Variants in CDC25C observed in about 807,000 individuals in gnomAD.
CDC25C encodes the protein M-phase inducer phosphatase 3.
Under a neutral mutation model 52.5 loss-of-function variants are expected in CDC25C, and 48 were observed. That is an observed-to-expected ratio of 0.91 (90% CI 0.72 to 1.16). The LOEUF is 1.16. Among genes scored for constraint, CDC25C ranks in the 50% most tolerant of loss-of-function variants. The probability of loss-of-function intolerance (pLI) is 0.00; values close to 1 mark genes in which losing one functional copy is unlikely to be tolerated. For synonymous variants in CDC25C, 187 were observed against 206.5 expected (o/e 0.91, Z 0.81); for missense variants, 510 against 566.1 (o/e 0.90, Z 1.01).
At chr5:138,332,126 C>G (rs1760445341), upstream of CDC25C, 1 of 155,040 alleles carries the variant, frequency 6.4e-6, no homozygotes, top group Non-Finnish European at 1.4e-5. Context: ...CTCGTTCCCT[C>G]AGCCCCACGA....
intron 6 of CDC25C, among the ~76,000 whole-genome samples, chr5:138,322,836 G>C (rs1004973460): frequency 6.6e-6 from 1 of 151,480 alleles, no homozygotes; most frequent in Non-Finnish European, 1.5e-5. Flanking sequence ...GCCCAGGCTA[G>C]TCTGGAACTC....
At chr5:138,298,347 AC>A (rs1561680942) in intron 7 of CDC25C, among the ~76,000 whole-genome samples, 1 of 151,944 alleles carries the variant, frequency 6.6e-6, no homozygotes. Context: ...AATACTATAA[AC>A]CAACCAGACC....
intron 6 of CDC25C, among the ~76,000 whole-genome samples, chr5:138,319,674 A>G (rs1020282010): frequency 6.6e-6 from 1 of 152,244 alleles, no homozygotes; most frequent in Non-Finnish European, 1.5e-5. Context: ...ATCAGAATAT[A>G]TAAGGAACTC....
intron 7 of CDC25C, among the ~76,000 whole-genome samples, chr5:138,297,191 G>A (rs986008876): frequency 6.6e-6 from 1 of 151,984 alleles, no homozygotes; most frequent in Non-Finnish European, 1.5e-5. Flanking sequence ...GATTACAGGC[G>A]TGAGCCACCG....
chr5:138,313,554 G>T (rs2077072252), intron 7 of CDC25C, among the ~76,000 whole-genome samples: 1 of 151,976 alleles, frequency 6.6e-6, no homozygotes, highest in Admixed American at 6.6e-5. Flanking sequence ...TGTATAAAAA[G>T]AATTAATATA....
intron 10 of CDC25C, among the ~76,000 whole-genome samples, chr5:138,288,752 G>A (rs561406700): frequency 2.1e-4 from 32 of 152,268 alleles, no homozygotes; most frequent in Non-Finnish European, 4.3e-4. Flanking sequence ...TATCTCTGGT[G>A]ATGAGATTGT....
intron 2 of CDC25C, among the ~76,000 whole-genome samples, chr5:138,329,920 G>A (rs1203613267): frequency 1.3e-5 from 2 of 151,932 alleles, no homozygotes; most frequent in African/African-American, 4.8e-5. Context: ...TAGTAGAGAT[G>A]GGGCTTCACC....
Position 138,291,221 on chromosome 5 carries a change from T to G in CDC25C, c.763-481A>C, listed in dbSNP as rs569209903. Reference sequence around the variant, plus strand: ...TAAGTGATCCTCCCATCTATTTAATTTTTTTAAAGTTGGGGAGGGTAAAGG... The same window carrying G: ...TAAGTGATCCTCCCATCTATTTAATGTTTTTAAAGTTGGGGAGGGTAAAGG... On this transcript the variant is annotated intron_variant, in intron 8 of 13. Transcript: ENST00000323760. 8.5e-5 allele frequency among the ~76,000 whole-genome samples: 13 copies of G among 152,092 alleles called. No homozygotes were observed. In the South Asian group the frequency reaches 2.7e-3, roughly 32 times the overall value.
intron 7 of CDC25C, among the ~76,000 whole-genome samples, chr5:138,310,981 C>T (rs1442076746): frequency 1.3e-5 from 2 of 152,196 alleles, no homozygotes; most frequent in Non-Finnish European, 2.9e-5. Context: ...GGCATAAAGA[C>T]AGACATATAG....
At chr5:138,317,063 G>T (rs1408310249) in intron 7 of CDC25C, among the ~76,000 whole-genome samples, 1 of 152,076 alleles carries the variant, frequency 6.6e-6, no homozygotes, top group Non-Finnish European at 1.5e-5. Context: ...AAACCAGCTT[G>T]GGCAACACAT....
At chr5:138,311,609 G>A (rs1211507645) in intron 7 of CDC25C, among the ~76,000 whole-genome samples, 1 of 152,070 alleles carries the variant, frequency 6.6e-6, no homozygotes, top group East Asian at 1.9e-4. Context: ...TTTTAAAAAG[G>A]GGAGGGGGTT....
chr5:138,296,906 CTTTTTT>C (rs1300029259), intron 7 of CDC25C, among the ~76,000 whole-genome samples: 2 of 80,166 alleles, frequency 2.5e-5, no homozygotes, highest in Non-Finnish European at 4.7e-5. Flanking sequence ...CGCCCGGCCA[CTTTTTT>C]TTTTTTTTTT....
chr5:138,328,224 A>G (rs1268885533), intron 4 of CDC25C, among the ~76,000 whole-genome samples: 1 of 152,208 alleles, frequency 6.6e-6, no homozygotes, highest in Non-Finnish European at 1.5e-5. Context: ...AAAAGCCTAT[A>G]CATAAGTGTA....
intron 4 of CDC25C, 51 bp downstream of exon 4, chr5:138,328,433 G>A (rs1760068911): frequency 6.6e-7 from 1 of 1,524,274 alleles, no homozygotes; most frequent in African/African-American, 1.4e-5. Flanking sequence ...AAATCTCTAT[G>A]ACCAGTGCTA....
intron 7 of CDC25C, among the ~76,000 whole-genome samples, chr5:138,308,229 ACTGT>A (rs1758181049): frequency 6.6e-6 from 1 of 152,156 alleles, no homozygotes; most frequent in South Asian, 2.1e-4. Flanking sequence ...ATGCTTCTAT[ACTGT>A]CTATATTATG....
At chr5:138,293,881 A>C (rs978570207) in intron 7 of CDC25C, among the ~76,000 whole-genome samples, 4 of 152,022 alleles carry the variant, frequency 2.6e-5, no homozygotes, top group African/African-American at 4.8e-5. Context: ...TCCCGGGCTT[A>C]AGTGATCCAT....
At chr5:138,294,598 G>A (rs1277460513) in intron 7 of CDC25C, among the ~76,000 whole-genome samples, 13 of 143,700 alleles carry the variant, frequency 9.0e-5, no homozygotes, top group African/African-American at 1.3e-4. Flanking sequence ...TCTGCCTCCC[G>A]GGTTCATGCC....
intron 6 of CDC25C, among the ~76,000 whole-genome samples, chr5:138,320,720 C>G (rs1369301898): frequency 6.6e-6 from 1 of 151,620 alleles, no homozygotes; most frequent in Non-Finnish European, 1.5e-5. Flanking sequence ...TTAAGACCAG[C>G]CTGGCCAACA....
intron 1 of CDC25C, chr5:138,337,746 G>A (rs546131334): frequency 5.7e-6 from 2 of 348,600 alleles, no homozygotes; most frequent in Middle Eastern, 1.0e-3. Flanking sequence ...CCTAATCCGC[G>A]CTTGGACCAC....
Sources: gnomAD v4.1 joint callset for allele counts (sites outside exome capture counted in the v4.1 genomes callset) on GRCh38, gnomAD v4.1.1 for gene constraint, MANE v1.5 for transcripts, NCBI Gene and HGNC (gene_info 2026-07-23, HGNC 2026-07-21) for gene names.